Variants in NARF observed in about 807,000 individuals in gnomAD.
NARF encodes nuclear prelamin A recognition factor, also known as iron-only hydrogenase-like protein 2.
NARF carries 41 observed loss-of-function variants against 48.0 expected under a neutral mutation model. The observed-to-expected ratio is 0.85, with a 90% CI of 0.66 to 1.11. The LOEUF is 1.11. NARF is among the 50% of genes least tolerant of loss of function. The pLI is 0.00. For missense variants in NARF, 613 were observed against 590.2 expected, an observed-to-expected ratio of 1.04 and a Z score of -0.40; for synonymous variants, 215 against 225.5, an observed-to-expected ratio of 0.95 and a Z score of 0.42.
chr17:82,488,341 C>CT lies in NARF; in HGVS notation c.*185dup. 1.1e-6 allele frequency: 1 copy of CT among 893,468 alleles called. No individual in the cohort carries two copies. The allele number at this position is 893,468 out of a possible 1,614,324, so 55.3% of individuals were successfully genotyped here. A position where few individuals can be genotyped will look rare whatever the true frequency, so the allele number is the denominator to read the frequency against. ...GCCCCTCAGGCAGTTTCATGTGGTG[C>CT]TATCTTCATAATAGGTGTGGGATTG... On this transcript the variant is annotated 3_prime_UTR_variant, in exon 11 of 11. Transcript: ENST00000309794.
chr17:82,458,763 C>T lies in NARF; in HGVS notation c.-41C>T, dbSNP rs764776828. On this transcript the variant is annotated 5_prime_UTR_variant, in exon 1 of 11. Coordinates refer to ENST00000309794, the MANE Select transcript of NARF (RefSeq NM_012336.4). ...GGTGTCCCAGTCTCCCGGTGCTTCC[C>T]TGAGGCTGAGGCGCCCGGCCTCCCG... The T allele has an allele frequency of 2.1e-5, 31 of 1,472,594 alleles. No homozygotes were observed. Among genetic ancestry groups the T allele is most frequent in the South Asian group, 1.9e-4 (14 of 73,842 alleles). 91.2% of individuals were successfully genotyped at this position (1,472,594 alleles called of 1,614,324 possible). A position where few individuals can be genotyped will look rare whatever the true frequency, so the allele number is the denominator to read the frequency against.
chr17:82,474,460 G>A (rs1388102997), intron 5 of NARF, among the ~76,000 whole-genome samples: 4 of 152,098 alleles, frequency 2.6e-5, no homozygotes, highest in Admixed American at 2.0e-4. Flanking sequence ...GATGCATAAG[G>A]GAATAAGGAA....
At chr17:82,486,286 G>A (rs748351717) in intron 10 of NARF, among the ~76,000 whole-genome samples, 14 of 152,302 alleles carry the variant, frequency 9.2e-5, no homozygotes, top group Middle Eastern at 6.8e-3. Context: ...CTGACCCATG[G>A]TGGTCCATCT....
intron 5 of NARF, chr17:82,477,064 G>A (rs1212815461): frequency 6.6e-6 from 1 of 152,126 alleles, no homozygotes; most frequent in African/African-American, 2.4e-5. Context: ...TTACTTTGTT[G>A]CCCACGCTGG....
chr17:82,458,849 G>T lies in NARF; in HGVS notation c.27+19G>T. 4.3e-6 allele frequency: 6 copies of T among 1,396,564 alleles called. No individual in the cohort carries two copies. The highest frequency in any genetic ancestry group is 5.6e-6 in the Non-Finnish European group (6 of 1,077,280). The allele number at this position is 1,396,564 out of a possible 1,614,324, so 86.5% of individuals were successfully genotyped here. A position where few individuals can be genotyped will look rare whatever the true frequency, so the allele number is the denominator to read the frequency against. On this transcript the variant is annotated intron_variant, in intron 1 of 10. Coordinates refer to ENST00000309794, the MANE Select transcript of NARF (RefSeq NM_012336.4). ...GCGCAAGGTGAGCGCCGCGGGCCGG[G>T]GAGGCGCGCGCCTGGTGCTTGTCCT...
At position 82,484,815 on chromosome 17, in the gene NARF, T is replaced by C; in HGVS notation, c.836T>C (p.Phe279Ser). The change falls in exon 9 of 11, where the codon TTT (phenylalanine) becomes TCT (serine). Residue 279 changes from phenylalanine (F) to serine (S), a missense_variant and splice_region_variant. By Grantham distance (155) the Phe-to-Ser change is radical. Coordinates refer to ENST00000309794, the MANE Select transcript of NARF (RefSeq NM_012336.4). ...SVRDAAVDTL[F>S]GDLKEDKVTR... The stretch of plus-strand genomic sequence containing the variant: ...TTGTATTTTCTCTGCCTTGTGAGGT[T>C]TGGAGACTTGAAGGAGGACAAAGTG... The C allele has an allele frequency of 6.2e-7, 1 of 1,600,060 alleles. No homozygotes were observed. The highest frequency in any genetic ancestry group is 8.5e-7 in the Non-Finnish European group (1 of 1,172,742).
intron 3 of NARF, among the ~76,000 whole-genome samples, chr17:82,465,948 C>T (rs2043556604): frequency 6.6e-6 from 1 of 152,232 alleles, no homozygotes; most frequent in African/African-American, 2.4e-5. Context: ...CTTATATGCA[C>T]TTGCACGGGA....
At chr17:82,473,843 C>T (rs1217614691) in intron 5 of NARF, among the ~76,000 whole-genome samples, 2 of 152,156 alleles carry the variant, frequency 1.3e-5, no homozygotes, top group African/African-American at 4.8e-5. Context: ...CAGACATGAG[C>T]CACCACACCC....
intron 3 of NARF, among the ~76,000 whole-genome samples, chr17:82,465,455 A>G (rs1318649486): frequency 6.6e-6 from 1 of 152,202 alleles, no homozygotes; most frequent in Non-Finnish European, 1.5e-5. Flanking sequence ...AGAGCAAGGT[A>G]GGGGCCTCAA....
chr17:82,474,986 G>T (rs905798622), intron 5 of NARF, among the ~76,000 whole-genome samples: 1 of 152,192 alleles, frequency 6.6e-6, no homozygotes, highest in Non-Finnish European at 1.5e-5. Flanking sequence ...TTACTAGATT[G>T]TGGGTGTTAC....
intron 6 of NARF, 152 bp downstream of exon 6, chr17:82,479,070 G>A: frequency 1.6e-6 from 1 of 616,758 alleles, no homozygotes; most frequent in East Asian, 3.0e-5. Context: ...CATCAGCAGT[G>A]CTGTTTCTCA....
chr17:82,479,739 A>AT (rs1042705602), intron 6 of NARF, among the ~76,000 whole-genome samples: 3 of 152,348 alleles, frequency 2.0e-5, no homozygotes, highest in African/African-American at 7.2e-5. Flanking sequence ...AGGCACGCAC[A>AT]TTTGGCAGCC....
intron 2 of NARF, among the ~76,000 whole-genome samples, chr17:82,461,650 G>A (rs986107804): frequency 5.9e-5 from 9 of 152,262 alleles, no homozygotes; most frequent in South Asian, 2.1e-4. Flanking sequence ...CTCATTTCAC[G>A]CCCAGAAGGA....
intron 2 of NARF, among the ~76,000 whole-genome samples, chr17:82,462,345 A>G (rs967320357): frequency 2.6e-5 from 4 of 152,194 alleles, no homozygotes; most frequent in Non-Finnish European, 4.4e-5. Context: ...GGCCAGGTCA[A>G]TGACAGTGCA....
At chr17:82,458,268 C>G (rs1442018332), upstream of NARF, 2 of 152,604 alleles carry the variant, frequency 1.3e-5, no homozygotes, top group Non-Finnish European at 2.9e-5. Context: ...CCGTTAGGAG[C>G]CGCGAGTAAG....
chr17:82,462,420 G>A (rs535636561), intron 2 of NARF, among the ~76,000 whole-genome samples: 54 of 152,310 alleles, frequency 3.5e-4, no homozygotes, highest in African/African-American at 1.2e-3. Context: ...GGAGGTAACC[G>A]ACTTAAGCTG....
At chr17:82,474,849 C>T (rs2043798260) in intron 5 of NARF, among the ~76,000 whole-genome samples, 2 of 152,188 alleles carry the variant, frequency 1.3e-5, no homozygotes, top group Non-Finnish European at 2.9e-5. Flanking sequence ...GCTGTGATCT[C>T]AGCTCCAGAT....
chr17:82,462,712 T>A (rs2043468223), intron 2 of NARF: 1 of 152,376 alleles, frequency 6.6e-6, no homozygotes, highest in Non-Finnish European at 1.5e-5. Context: ...TTCTGTAGAA[T>A]GCATCAGTGT....
intron 5 of NARF, among the ~76,000 whole-genome samples, chr17:82,478,368 C>T (rs576729956): frequency 1.3e-5 from 2 of 152,308 alleles, no homozygotes; most frequent in Non-Finnish European, 2.9e-5. Context: ...AGTTTCTCGC[C>T]GGTGAGAGAA....
Sources: allele counts gnomAD v4.1 joint callset (sites outside exome capture counted in the v4.1 genomes callset), GRCh38; gene constraint gnomAD v4.1.1; transcripts MANE v1.5; gene names NCBI Gene and HGNC (gene_info 2026-07-23, HGNC 2026-07-21).